Variants in RAB8B observed in about 807,000 individuals in gnomAD.
The protein encoded by RAB8B is RAB8B, member RAS oncogene family, also known as ras-related protein Rab-8B.
In RAB8B, 11 loss-of-function variants were observed where a neutral mutation model predicts 32.0. The observed-to-expected ratio is 0.34, with a 90% CI of 0.22 to 0.57. The LOEUF is 0.57. Among genes scored for constraint, RAB8B ranks in the 20% least tolerant of loss-of-function variants. The probability of loss-of-function intolerance (pLI) is 0.86; values close to 1 mark genes in which losing one functional copy is unlikely to be tolerated. For missense variants in RAB8B, 190 were observed against 258.5 expected (o/e 0.73, Z 1.82); for synonymous variants, 103 against 89.6 (o/e 1.15, Z -0.85).
intron 1 of RAB8B, among the ~76,000 whole-genome samples, chr15:63,231,995 G>T (rs1402081896): frequency 1.3e-5 from 2 of 152,152 alleles, no homozygotes; most frequent in East Asian, 3.8e-4. Flanking sequence ...GAAGTCTTTT[G>T]GCCTGGCTTA....
chr15:63,197,803 C>T (rs1405508243), intron 1 of RAB8B, among the ~76,000 whole-genome samples: 1 of 152,202 alleles, frequency 6.6e-6, no homozygotes, highest in East Asian at 1.9e-4. Context: ...CTGTTGAGTT[C>T]TGAGGTCCTG....
At chr15:63,258,695 A>G (rs967809338) in intron 5 of RAB8B, among the ~76,000 whole-genome samples, 1 of 152,224 alleles carries the variant, frequency 6.6e-6, no homozygotes, top group Non-Finnish European at 1.5e-5. Flanking sequence ...AATACCCTCT[A>G]GAAATTTCCC....
chr15:63,189,874 G>A lies in RAB8B; in HGVS notation c.124+126G>A, dbSNP rs1277035787. On this transcript the variant is annotated intron_variant, in intron 1 of 7. Transcript: ENST00000321437. ...ACCCCGGGGACTGCAAGGTGGCGGG[G>A]GCACTGAGAGGGGCGAGGGCGTGAG... 4 of 1,241,512 alleles carry A rather than the reference G, an allele frequency of 3.2e-6. No homozygotes were observed. The East Asian group carries it at 8.1e-5, about 25-fold the overall frequency. The allele number at this position is 1,241,512 out of a possible 1,614,324, so 76.9% of individuals were successfully genotyped here. A position where few individuals can be genotyped will look rare whatever the true frequency, so the allele number is the denominator to read the frequency against.
intron 1 of RAB8B, among the ~76,000 whole-genome samples, chr15:63,211,959 G>A (rs1353433031): frequency 2.0e-5 from 3 of 152,078 alleles, no homozygotes; most frequent in African/African-American, 4.8e-5. Flanking sequence ...AGCTTCCCAA[G>A]TAGCTGGGAC....
Position 63,266,640 on chromosome 15 carries a change from A to T in RAB8B, c.*3021A>T. 1 of 152,618 alleles carries T rather than the reference A, an allele frequency of 6.6e-6. No homozygotes were observed. The allele number at this position is 152,618 out of a possible 1,614,324, so 9.5% of individuals were successfully genotyped here. A position where few individuals can be genotyped will look rare whatever the true frequency, so the allele number is the denominator to read the frequency against. ...TGTTTTGTTTTGAACTGAAGACATC[A>T]TTGGGAAAGGTAGGAAATATTAGTT... On this transcript the variant is annotated 3_prime_UTR_variant, in exon 8 of 8. Coordinates refer to ENST00000321437, the MANE Select transcript of RAB8B (RefSeq NM_016530.3).
rs139407892 is a variant in RAB8B at position 63,265,112 on chromosome 15, A to T, written c.*1493A>T. On this transcript the variant is annotated 3_prime_UTR_variant, in exon 8 of 8. Transcript: ENST00000321437. This position sits in a 1 kb window ranked among gnomAD's most constrained non-coding sequence, Gnocchi z 4.9. Reference sequence around the variant, plus strand: ...GATGAGGGAAATGAATTCTGTTAATAATTATTCTTCCTGGTATGCCTGTTT... The same window carrying T: ...GATGAGGGAAATGAATTCTGTTAATTATTATTCTTCCTGGTATGCCTGTTT... The T allele has an allele frequency of 3.5e-4, 53 of 152,756 alleles. No individual in the cohort carries two copies. Among genetic ancestry groups the T allele is most frequent in the African/African-American group, 1.1e-3 (47 of 41,566 alleles). 9.5% of individuals were successfully genotyped at this position (152,756 alleles called of 1,614,324 possible).
intron 3 of RAB8B, among the ~76,000 whole-genome samples, chr15:63,250,083 C>T (rs562086270): frequency 6.6e-6 from 1 of 152,158 alleles, no homozygotes; most frequent in Non-Finnish European, 1.5e-5. Context: ...TTGCAGTGAG[C>T]CGAGATTGCG....
Position 63,262,026 on chromosome 15 carries a change from T to C in RAB8B, c.481-666T>C, listed in dbSNP as rs186636749. ...ACTGTTGGGATTTTGGAGTAAGACATGGAAGATTATACATATTCAGCTATA... is the reference window on the plus strand; with the variant it reads ...ACTGTTGGGATTTTGGAGTAAGACACGGAAGATTATACATATTCAGCTATA... On this transcript the variant is annotated intron_variant, in intron 6 of 7. Coordinates refer to ENST00000321437, the MANE Select transcript of RAB8B (RefSeq NM_016530.3). 9.9e-5 allele frequency among the ~76,000 whole-genome samples: 15 copies of C among 152,280 alleles called. No homozygotes were observed. In the East Asian group the frequency reaches 2.7e-3, roughly 27 times the overall value.
chr15:63,199,609 A>G (rs28421722), intron 1 of RAB8B, among the ~76,000 whole-genome samples: 3,869 of 152,260 alleles, frequency 0.025, 143 homozygotes, highest in African/African-American at 0.081. Context: ...TAATATCATC[A>G]GAGTTATGTC....
chr15:63,212,712 C>T (rs1424457961), intron 1 of RAB8B, among the ~76,000 whole-genome samples: 16 of 152,228 alleles, frequency 1.1e-4, no homozygotes, highest in East Asian at 1.9e-4. Flanking sequence ...CAAATATTTC[C>T]GTATTCCCTA....
At chr15:63,241,236 C>T (rs1447522362) in intron 1 of RAB8B, among the ~76,000 whole-genome samples, 1 of 151,994 alleles carries the variant, frequency 6.6e-6, no homozygotes, top group Non-Finnish European at 1.5e-5. Context: ...CAGCTAGTCG[C>T]GAGGCTGAGG....
At chr15:63,220,089 A>G (rs1187186032) in intron 1 of RAB8B, among the ~76,000 whole-genome samples, 3 of 152,142 alleles carry the variant, frequency 2.0e-5, no homozygotes, top group South Asian at 2.1e-4. Context: ...ATTTCCCCCC[A>G]CTTCAGTGTT....
chr15:63,229,173 C>T lies in RAB8B; in HGVS notation c.125-15583C>T, dbSNP rs187103153. On this transcript the variant is annotated intron_variant, in intron 1 of 7. Coordinates refer to ENST00000321437, the MANE Select transcript of RAB8B (RefSeq NM_016530.3). Reference sequence around the variant, plus strand: ...TAAGACACAAAGCCTTCAGTGGCTACCCCAGCATTGGGAAATAAGGGGTGG... The same window carrying T: ...TAAGACACAAAGCCTTCAGTGGCTATCCCAGCATTGGGAAATAAGGGGTGG... Among the ~76,000 whole-genome samples, 206 of 152,270 alleles carry T rather than the reference C, an allele frequency of 1.4e-3. 4 individuals carry two copies. Among genetic ancestry groups the T allele is most frequent in the Admixed American group, 1.6e-3 (25 of 15,302 alleles).
At chr15:63,262,612 A>G (rs938673239) in intron 6 of RAB8B, 80 bp from the exon 7 acceptor site, 4 of 447,368 alleles carry the variant, frequency 8.9e-6, no homozygotes, top group Non-Finnish European at 3.2e-6. Context: ...AGGCGGGGGG[A>G]ATATATATAT....
intron 1 of RAB8B, among the ~76,000 whole-genome samples, chr15:63,229,087 A>T (rs1329445836): frequency 6.6e-6 from 1 of 152,234 alleles, no homozygotes; most frequent in African/African-American, 2.4e-5. Flanking sequence ...AGATCTCTAT[A>T]TAACCTTGGT....
intron 1 of RAB8B, among the ~76,000 whole-genome samples, chr15:63,220,093 C>A (rs1254477330): frequency 1.3e-5 from 2 of 152,174 alleles, no homozygotes; most frequent in African/African-American, 4.8e-5. Flanking sequence ...CCCCCCACTT[C>A]AGTGTTAGCC....
chr15:63,205,320 T>C (rs1015281383), intron 1 of RAB8B, among the ~76,000 whole-genome samples: 10 of 151,866 alleles, frequency 6.6e-5, no homozygotes, highest in African/African-American at 2.4e-4. Context: ...AATAAACAAA[T>C]AAATAAATAA....
chr15:63,250,503 G>T (rs988354306), intron 3 of RAB8B, among the ~76,000 whole-genome samples: 1 of 152,102 alleles, frequency 6.6e-6, no homozygotes, highest in Non-Finnish European at 1.5e-5. Flanking sequence ...CAAGTTATTT[G>T]CTGAATCCAG....
At chr15:63,210,563 A>G (rs377199467) in intron 1 of RAB8B, among the ~76,000 whole-genome samples, 2 of 152,050 alleles carry the variant, frequency 1.3e-5, no homozygotes, top group African/African-American at 4.8e-5. Flanking sequence ...GGTACCTTCC[A>G]CCTCCAGCTT....
Sources: allele counts gnomAD v4.1 joint callset (sites outside exome capture counted in the v4.1 genomes callset), GRCh38; gene constraint gnomAD v4.1.1; non-coding constraint Gnocchi (gnomAD v3.1); transcripts MANE v1.5; gene names NCBI Gene and HGNC (gene_info 2026-07-23, HGNC 2026-07-21).